The following ADGB variants were observed in gnomAD, a reference collection of about 807,000 sequenced individuals.
ADGB encodes the protein androglobin.
Under a neutral mutation model 210.5 loss-of-function variants are expected in ADGB, and 172 were observed. The observed-to-expected ratio is 0.82, with a 90% CI of 0.72 to 0.93. The LOEUF (loss-of-function observed/expected upper bound fraction) is 0.93. Among genes scored for constraint, ADGB ranks in the 40% least tolerant of loss-of-function variants. The pLI, the probability that ADGB is intolerant of heterozygous loss-of-function variation, is 0.00. For synonymous variants in ADGB, 658 were observed against 662.7 expected (o/e 0.99, Z 0.11); for missense variants, 2,025 against 1,964.8 (o/e 1.03, Z -0.58).
intron 23 of ADGB, among the ~76,000 whole-genome samples, chr6:146,737,217 G>A (rs141209833): frequency 2.6e-5 from 4 of 151,816 alleles, no homozygotes; most frequent in African/African-American, 9.6e-5. Flanking sequence ...AGAGAAAATA[G>A]ATGAAAAGTT....
At chr6:146,761,843 G>A (rs1231339333) in intron 27 of ADGB, among the ~76,000 whole-genome samples, 1 of 152,032 alleles carries the variant, frequency 6.6e-6, no homozygotes, top group Non-Finnish European at 1.5e-5. Flanking sequence ...ATATTGTCTA[G>A]GTCATACTGC....
intron 21 of ADGB, among the ~76,000 whole-genome samples, chr6:146,733,555 C>T (rs931889286): frequency 6.6e-6 from 1 of 152,154 alleles, no homozygotes; most frequent in African/African-American, 2.4e-5. Context: ...AGAATTCTGG[C>T]AAGATCCTCT....
intron 23 of ADGB, among the ~76,000 whole-genome samples, chr6:146,740,213 C>T (rs1470017792): frequency 6.6e-6 from 1 of 152,068 alleles, no homozygotes; most frequent in Non-Finnish European, 1.5e-5. Flanking sequence ...AATCATGTTT[C>T]CTTTGAGAGC....
intron 2 of ADGB, 138 bp downstream of exon 2, chr6:146,635,675 C>A: frequency 3.5e-6 from 3 of 868,534 alleles, no homozygotes; most frequent in Non-Finnish European, 4.9e-6. Flanking sequence ...TTCTATCAGC[C>A]CCACCTCCCA....
chr6:146,755,082 A>G (rs1477620177), intron 27 of ADGB, among the ~76,000 whole-genome samples: 1 of 152,016 alleles, frequency 6.6e-6, no homozygotes, highest in Non-Finnish European at 1.5e-5. Context: ...TATTTGCTTT[A>G]TATTTTTCAT....
chr6:146,779,291 A>G (rs1357141919), intron 29 of ADGB, among the ~76,000 whole-genome samples: 1 of 152,232 alleles, frequency 6.6e-6, no homozygotes, highest in Non-Finnish European at 1.5e-5. Flanking sequence ...GAGGATATAG[A>G]ATGAAGAAAA....
At chr6:146,753,784 T>A (rs755025694) in intron 27 of ADGB, among the ~76,000 whole-genome samples, 1 of 151,932 alleles carries the variant, frequency 6.6e-6, no homozygotes, top group African/African-American at 2.4e-5. Context: ...CATACTCCTA[T>A]GTTTAGAATA....
chr6:146,662,131 T>G lies in ADGB; in HGVS notation c.613-2070T>G, dbSNP rs534424541. 5.9e-5 allele frequency among the ~76,000 whole-genome samples: 9 copies of G among 152,252 alleles called. 1 individual carries two copies. In the South Asian group the frequency reaches 1.9e-3, roughly 32 times the overall value. On this transcript the variant is annotated intron_variant, in intron 5 of 35. Transcript: ENST00000397944. Reference sequence around the variant, plus strand: ...GTAGAATTCTTTAAGTTTATCCTATTTGGTTTAGTCTGAGTTCCTTGAGTT... The same window carrying G: ...GTAGAATTCTTTAAGTTTATCCTATGTGGTTTAGTCTGAGTTCCTTGAGTT...
chr6:146,769,134 A>G lies in ADGB; in HGVS notation c.3862+3A>G, dbSNP rs1381862393. On this transcript the variant is annotated splice_donor_region_variant and intron_variant, in intron 29 of 35. Transcript: ENST00000397944. The stretch of plus-strand genomic sequence containing the variant: ...CTTAAAGAAAAGTAATACCAAAGGT[A>G]TGTCACCCTAAATGTTTAAACATGC... 2.7e-6 allele frequency: 4 copies of G among 1,464,238 alleles called. No individual in the cohort carries two copies. The highest frequency in any genetic ancestry group is 1.4e-5 in the African/African-American group (1 of 71,824). 90.7% of individuals were successfully genotyped at this position (1,464,238 alleles called of 1,614,324 possible). A position where few individuals can be genotyped will look rare whatever the true frequency, so the allele number is the denominator to read the frequency against.
At chr6:146,771,585 G>C (rs1234055074) in intron 29 of ADGB, among the ~76,000 whole-genome samples, 1 of 151,962 alleles carries the variant, frequency 6.6e-6, no homozygotes, top group Admixed American at 6.6e-5. Context: ...ACCATTCTCT[G>C]TCTTCTTTTT....
At chr6:146,801,120 T>C in intron 33 of ADGB, 63 bp from the exon 34 acceptor site, 1 of 823,766 alleles carries the variant, frequency 1.2e-6, no homozygotes, top group South Asian at 2.5e-5. Flanking sequence ...ATATAGTCAT[T>C]TGGTTAGTCA....
intron 35 of ADGB, chr6:146,803,622 G>T: frequency 1.5e-6 from 2 of 1,349,204 alleles, no homozygotes; most frequent in East Asian, 4.6e-5. Flanking sequence ...TGAAATTAGA[G>T]ATCTTTTTTT....
intron 28 of ADGB, 96 bp from the exon 29 acceptor site, chr6:146,768,924 A>C (rs1457879435): frequency 3.5e-6 from 2 of 569,886 alleles, no homozygotes; most frequent in Non-Finnish European, 6.0e-6. Context: ...TGATCTGGAA[A>C]ATTCTGCATT....
At chr6:146,740,223 C>T (rs953263986) in intron 23 of ADGB, among the ~76,000 whole-genome samples, 1 of 152,146 alleles carries the variant, frequency 6.6e-6, no homozygotes, top group Non-Finnish European at 1.5e-5. Context: ...CCTTTGAGAG[C>T]CTCAGATAAC....
intron 20 of ADGB, among the ~76,000 whole-genome samples, chr6:146,729,226 C>A (rs1776943928): frequency 6.6e-6 from 1 of 152,216 alleles, no homozygotes; most frequent in Admixed American, 6.5e-5. Context: ...CACATATGGA[C>A]CTGTCCACTG....
chr6:146,604,301 A>G (rs1241893940), intron 1 of ADGB, among the ~76,000 whole-genome samples: 1 of 152,176 alleles, frequency 6.6e-6, no homozygotes, highest in Non-Finnish European at 1.5e-5. Context: ...TCTAAGGAGA[A>G]TGGCCCAGTC....
intron 12 of ADGB, among the ~76,000 whole-genome samples, chr6:146,695,002 T>C (rs1776383882): frequency 6.6e-6 from 1 of 152,176 alleles, no homozygotes; most frequent in Admixed American, 6.5e-5. Flanking sequence ...TATTAATATA[T>C]TAAATAATGT....
chr6:146,752,095 T>C (rs921795012), intron 26 of ADGB, among the ~76,000 whole-genome samples: 1 of 152,142 alleles, frequency 6.6e-6, no homozygotes, highest in Non-Finnish European at 1.5e-5. Context: ...GGGTAATTTC[T>C]GAAGAAAAGA....
rs113822998 is a variant in ADGB at position 146,809,334 on chromosome 6, A to G, written c.4819-5698A>G. The stretch of plus-strand genomic sequence containing the variant: ...TGATTCTCTTGCCTCAGACTCCTGA[A>G]TAGCTGGGATTAGTGGTGCAGCCAC... On this transcript the variant is annotated intron_variant, in intron 35 of 35. Coordinates refer to ENST00000397944, the MANE Select transcript of ADGB (RefSeq NM_024694.4). Among the ~76,000 whole-genome samples the G allele has an allele frequency of 6.6e-3, 1,000 of 152,266 alleles. 8 individuals carry two copies. The highest frequency in any genetic ancestry group is 0.022 in the African/African-American group (911 of 41,564).
Sources: gnomAD v4.1 joint callset for allele counts (sites outside exome capture counted in the v4.1 genomes callset) on GRCh38, gnomAD v4.1.1 for gene constraint, MANE v1.5 for transcripts, NCBI Gene and HGNC (gene_info 2026-07-23, HGNC 2026-07-21) for gene names.